Variants in MAMLD1 observed in about 807,000 individuals in gnomAD.
MAMLD1 encodes mastermind-like domain-containing protein 1.
MAMLD1 carries 14 observed loss-of-function variants against 45.0 expected under a neutral mutation model. The observed-to-expected ratio is 0.31, with a 90% CI of 0.21 to 0.49. The LOEUF is 0.49. Ranked by LOEUF, MAMLD1 falls within the 20% of genes least tolerant of loss-of-function variation. The pLI is 0.99. For synonymous variants in MAMLD1, 254 were observed against 247.8 expected (o/e 1.02, Z -0.24); for missense variants, 543 against 603.6 (o/e 0.90, Z 1.05).
At chrX:150,444,447 G>A (rs2035422770) in intron 1 of MAMLD1, among the ~76,000 whole-genome samples, 1 of 111,897 alleles carries the variant, frequency 8.9e-6, no homozygotes, top group Non-Finnish European at 1.9e-5. Context: ...ATATGAGGCA[G>A]AAACAAAATC....
chrX:150,382,890 T>A (rs1284127935), intron 1 of MAMLD1, among the ~76,000 whole-genome samples: 443 of 33,140 alleles, frequency 0.013, 95 homozygotes, highest in South Asian at 0.017. Context: ...ATTTTATTTT[T>A]TTTTTTTTTT....
chrX:150,369,047 TC>T (rs2031751539), intron 1 of MAMLD1, among the ~76,000 whole-genome samples: 1 of 112,685 alleles, frequency 8.9e-6, no homozygotes. Flanking sequence ...CAATGCAGGC[TC>T]TTTTTTGGTT....
chrX:150,453,583 A>G (rs2035740145), intron 2 of MAMLD1, among the ~76,000 whole-genome samples: 1 of 111,668 alleles, frequency 9.0e-6, no homozygotes, highest in East Asian at 2.8e-4. Context: ...TTCTCCTCCC[A>G]TCAGCATCCA....
In MAMLD1 at chrX:150,503,969, C is replaced by G. The variant is rs374413859; in HGVS notation, c.2284+452C>G. On this transcript the variant is annotated intron_variant, in intron 6 of 7. Coordinates refer to ENST00000370401, the MANE Select transcript of MAMLD1 (RefSeq NM_005491.5). ...CTGCCTGCTTGGCACCTAGTGGGTGCTCGGGAACTGCCTCTCCTGCCAGCC... is the reference window on the plus strand; with the variant it reads ...CTGCCTGCTTGGCACCTAGTGGGTGGTCGGGAACTGCCTCTCCTGCCAGCC... The G allele has an allele frequency of 2.3e-5, 15 of 652,315 alleles. No homozygotes were observed. In the Admixed American group the frequency reaches 5.3e-4, roughly 23 times the overall value. 53.8% of individuals were successfully genotyped at this position (652,315 alleles called of 1,213,427 possible).
At chrX:150,366,724 A>G (rs2031482211) in intron 1 of MAMLD1, among the ~76,000 whole-genome samples, 1 of 111,561 alleles carries the variant, frequency 9.0e-6, no homozygotes, top group Admixed American at 9.5e-5. Context: ...TGGTTCTCCA[A>G]TGCCTGCTCC....
intron 2 of MAMLD1, among the ~76,000 whole-genome samples, chrX:150,459,946 C>A (rs1407290198): frequency 9.0e-6 from 1 of 111,532 alleles, no homozygotes; most frequent in Non-Finnish European, 1.9e-5. Context: ...CCAGCCCCCA[C>A]CAATTTGGAG....
intron 2 of MAMLD1, among the ~76,000 whole-genome samples, chrX:150,455,419 CTG>C (rs2035822724): frequency 1.8e-5 from 2 of 112,043 alleles, no homozygotes; most frequent in Non-Finnish European, 3.8e-5. Context: ...GCAAATGCTG[CTG>C]AGTAAACCAT....
chrX:150,405,903 G>A (rs2033982428), intron 1 of MAMLD1, among the ~76,000 whole-genome samples: 1 of 110,897 alleles, frequency 9.0e-6, no homozygotes, highest in African/African-American at 3.3e-5. Context: ...CTGGAGTCAG[G>A]AGACTTCCAC....
chrX:150,512,950 C>A lies in MAMLD1; in HGVS notation c.*991C>A, dbSNP rs1198279073. On this transcript the variant is annotated 3_prime_UTR_variant, in exon 8 of 8. Transcript: ENST00000370401. ...CTCTCTTGAAAGGCTCCTGTGTGAG[C>A]CCAGATGAAGACTGGGTGTGCAACT... 5.2e-6 allele frequency: 6 copies of A among 1,154,399 alleles called. No individual in the cohort carries two copies. In the African/African-American group the frequency reaches 1.1e-4, roughly 21 times the overall value.
At chrX:150,480,195 C>A (rs2036711579) in intron 5 of MAMLD1, among the ~76,000 whole-genome samples, 1 of 111,993 alleles carries the variant, frequency 8.9e-6, no homozygotes, top group Non-Finnish European at 1.9e-5. Flanking sequence ...ATCCCACGAT[C>A]TGGGCCTGCC....
intron 1 of MAMLD1, among the ~76,000 whole-genome samples, chrX:150,369,391 G>T (rs2031780412): frequency 1.8e-5 from 2 of 112,490 alleles, no homozygotes; most frequent in Non-Finnish European, 3.8e-5. Flanking sequence ...GTTCAACCTT[G>T]TCATTGGGAA....
chrX:150,502,857 G>C (rs1390237727), intron 5 of MAMLD1, among the ~76,000 whole-genome samples: 2 of 111,783 alleles, frequency 1.8e-5, no homozygotes, highest in South Asian at 3.7e-4. Context: ...GTGGGATCAG[G>C]CTTGGTCAAA....
At chrX:150,382,350 T>A (rs1237821691) in intron 1 of MAMLD1, among the ~76,000 whole-genome samples, 2 of 111,758 alleles carry the variant, frequency 1.8e-5, no homozygotes, top group African/African-American at 3.3e-5. Flanking sequence ...TATGTGTCTA[T>A]CCCTCTGCCA....
At chrX:150,464,898 T>A (rs782016015) in intron 3 of MAMLD1, among the ~76,000 whole-genome samples, 1 of 112,171 alleles carries the variant, frequency 8.9e-6, no homozygotes, top group Admixed American at 9.4e-5. Flanking sequence ...GGGAAGAGAC[T>A]AGGAGAACTG....
At chrX:150,453,486 C>T (rs1454742888) in intron 2 of MAMLD1, among the ~76,000 whole-genome samples, 2 of 111,641 alleles carry the variant, frequency 1.8e-5, no homozygotes, top group African/African-American at 6.5e-5. Flanking sequence ...GCTTCCCCTC[C>T]TGTGCCAAAG....
chrX:150,468,978 A>AGTGTGT (rs67617988), intron 3 of MAMLD1, among the ~76,000 whole-genome samples: 28,478 of 100,339 alleles, frequency 0.28, 3,211 homozygotes, highest in East Asian at 0.53. Context: ...AATGTGTGAG[A>AGTGTGT]GTGTGTGTGT....
At chrX:150,474,640 C>T (rs1327007922) in intron 5 of MAMLD1, among the ~76,000 whole-genome samples, 3 of 112,153 alleles carry the variant, frequency 2.7e-5, no homozygotes, top group Non-Finnish European at 5.6e-5. Flanking sequence ...GCCTCTGAGC[C>T]TTGTGGGCTC....
chrX:150,485,917 G>A (rs1396284938), intron 5 of MAMLD1, among the ~76,000 whole-genome samples: 1 of 111,701 alleles, frequency 9.0e-6, no homozygotes, highest in Non-Finnish European at 1.9e-5. Context: ...ATTAAAAATC[G>A]GGTGTTTTTT....
chrX:150,506,870 G>C (rs1243130463), intron 6 of MAMLD1, among the ~76,000 whole-genome samples: 1 of 112,533 alleles, frequency 8.9e-6, no homozygotes, highest in East Asian at 2.8e-4. Context: ...AGGGACAGGT[G>C]GGGGCTTTAC....
Sources: gnomAD v4.1 joint callset for allele counts (sites outside exome capture counted in the v4.1 genomes callset) on GRCh38, gnomAD v4.1.1 for gene constraint, MANE v1.5 for transcripts, NCBI Gene and HGNC (gene_info 2026-07-23, HGNC 2026-07-21) for gene names.